Variants in EPHA4 observed in about 807,000 individuals in gnomAD.
EPHA4 encodes the protein EPH receptor A4, also known as ephrin type-A receptor 4.
Under a neutral mutation model 108.3 loss-of-function variants are expected in EPHA4, and 19 were observed. The observed-to-expected ratio is 0.18, with a 90% confidence interval of 0.12 to 0.26. The LOEUF is 0.26. Ranked by LOEUF, EPHA4 falls within the 10% of genes least tolerant of loss-of-function variation. The pLI, the probability that EPHA4 is intolerant of heterozygous loss-of-function variation, is 1.00. For synonymous variants in EPHA4, 449 were observed against 455.5 expected (o/e 0.99, Z 0.18); for missense variants, 917 against 1,254.0 (o/e 0.73, Z 4.06).
At chr2:221,484,090 C>T (rs1691908208) in intron 4 of EPHA4, among the ~76,000 whole-genome samples, 1 of 152,120 alleles carries the variant, frequency 6.6e-6, no homozygotes, top group Non-Finnish European at 1.5e-5. Context: ...GGCTACTTTG[C>T]AGGAAATTAG....
At chr2:221,570,322 C>T (rs1033037849) in intron 1 of EPHA4, among the ~76,000 whole-genome samples, 6 of 150,902 alleles carry the variant, frequency 4.0e-5, no homozygotes, top group Non-Finnish European at 8.9e-5. Flanking sequence ...TTCTCCCCCC[C>T]CCCCAAAAAA....
intron 4 of EPHA4, among the ~76,000 whole-genome samples, chr2:221,492,141 A>G (rs1692164205): frequency 6.6e-6 from 1 of 152,228 alleles, no homozygotes; most frequent in Admixed American, 6.5e-5. Context: ...TGGCATCCAG[A>G]AATGACAGGA....
intron 3 of EPHA4, among the ~76,000 whole-genome samples, chr2:221,537,943 C>G (rs555939018): frequency 3.9e-4 from 60 of 152,300 alleles, no homozygotes; most frequent in African/African-American, 1.4e-3. Context: ...TTACAGTTAT[C>G]CAGACTATCT....
intron 8 of EPHA4, among the ~76,000 whole-genome samples, chr2:221,449,874 G>A (rs1172659445): frequency 8.5e-5 from 13 of 152,306 alleles, no homozygotes; most frequent in African/African-American, 2.2e-4. Flanking sequence ...ATAAAGCAAC[G>A]TAACTAGCAT....
At chr2:221,513,368 T>C (rs1188156233) in intron 3 of EPHA4, among the ~76,000 whole-genome samples, 1 of 152,232 alleles carries the variant, frequency 6.6e-6, no homozygotes, top group Non-Finnish European at 1.5e-5. Context: ...TAAATAATTA[T>C]TTGATTAACT....
intron 5 of EPHA4, among the ~76,000 whole-genome samples, chr2:221,473,552 G>GAAAAAAAAAAAA (rs772366510): frequency 9.1e-6 from 1 of 109,688 alleles, no homozygotes; most frequent in Non-Finnish European, 1.8e-5. Flanking sequence ...GTGTTTAAAG[G>GAAAAAAAAAAAA]AAAAAAAAAA....
At position 221,501,136 on chromosome 2, in the gene EPHA4, T is replaced by A. The variant is rs1230632265; in HGVS notation, c.860A>T (p.Asp287Val). 2 of 1,612,460 alleles carry A rather than the reference T, an allele frequency of 1.2e-6. No individual in the cohort carries two copies. Among genetic ancestry groups the A allele is most frequent in the Non-Finnish European group, 1.7e-6 (2 of 1,179,330 alleles). Residue 287 changes from aspartate to valine, a missense_variant, in exon 4 of 18, where the codon GAT (aspartate) becomes GTT (valine). Around this residue, in one of 3 missense-constraint regions of EPHA4, gnomAD observed 758 missense variants for 1,076.7 expected, o/e 0.70. Coordinates refer to ENST00000281821, the MANE Select transcript of EPHA4 (RefSeq NM_004438.5). ...GGGTGGGCACTTGGCACAGGTGGCATCCGTGGAGAGAGCCTTGTAATATCC... is the reference window on the plus strand; with the variant it reads ...GGGTGGGCACTTGGCACAGGTGGCAACCGTGGAGAGAGCCTTGTAATATCC... ...KIGYYKALSTDATCAKCPPHS... is the reference protein window; with the variant it reads ...KIGYYKALSTVATCAKCPPHS...
chr2:221,522,993 C>T (rs1339943183), intron 3 of EPHA4, among the ~76,000 whole-genome samples: 1 of 152,088 alleles, frequency 6.6e-6, no homozygotes, highest in Non-Finnish European at 1.5e-5. Context: ...GAATTCCTGA[C>T]CTCAGGTGAT....
intron 3 of EPHA4, among the ~76,000 whole-genome samples, chr2:221,542,573 T>C (rs1034245675): frequency 1.3e-5 from 2 of 152,186 alleles, no homozygotes; most frequent in African/African-American, 4.8e-5. Context: ...AGGCATTCTG[T>C]AAAATTGTAA....
At chr2:221,526,518 C>T (rs1693326791) in intron 3 of EPHA4, among the ~76,000 whole-genome samples, 1 of 146,514 alleles carries the variant, frequency 6.8e-6, no homozygotes, top group Non-Finnish European at 1.5e-5. Flanking sequence ...CTCCTGTGTG[C>T]TCAGGAAACA....
intron 8 of EPHA4, among the ~76,000 whole-genome samples, chr2:221,449,736 A>G (rs1690712564): frequency 6.6e-6 from 1 of 152,254 alleles, no homozygotes; most frequent in Non-Finnish European, 1.5e-5. Flanking sequence ...GGGGCCCAGC[A>G]TAAACCATGC....
At chr2:221,562,693 A>G (rs1023464366) in intron 3 of EPHA4, among the ~76,000 whole-genome samples, 1 of 152,234 alleles carries the variant, frequency 6.6e-6, no homozygotes, top group Non-Finnish European at 1.5e-5. Context: ...ACTGTTGATA[A>G]CTACATTATA....
intron 3 of EPHA4, among the ~76,000 whole-genome samples, chr2:221,506,441 G>A (rs1692632737): frequency 6.6e-6 from 1 of 152,204 alleles, no homozygotes; most frequent in African/African-American, 2.4e-5. Flanking sequence ...ATTCCCCACA[G>A]TACAGATGGA....
intron 4 of EPHA4, among the ~76,000 whole-genome samples, chr2:221,484,211 A>C (rs777537417): frequency 6.6e-6 from 1 of 152,250 alleles, no homozygotes; most frequent in Non-Finnish European, 1.5e-5. Flanking sequence ...TCGAGATAGA[A>C]TTGGAAGAGG....
intron 5 of EPHA4, among the ~76,000 whole-genome samples, chr2:221,480,240 G>C (rs1303268336): frequency 6.6e-6 from 1 of 152,042 alleles, no homozygotes; most frequent in African/African-American, 2.4e-5. Context: ...TGTCCTCAGC[G>C]CATCTCCCAC....
intron 4 of EPHA4, among the ~76,000 whole-genome samples, chr2:221,485,455 T>C (rs901419755): frequency 5.9e-5 from 9 of 152,220 alleles, no homozygotes; most frequent in Admixed American, 3.3e-4. Context: ...TAAATCGTAC[T>C]GCGTATGTTT....
chr2:221,529,068 A>G (rs1210550654), intron 3 of EPHA4, among the ~76,000 whole-genome samples: 1 of 152,212 alleles, frequency 6.6e-6, no homozygotes, highest in Non-Finnish European at 1.5e-5. Context: ...AGTACATACA[A>G]TATAGTAATA....
At chr2:221,533,782 G>T (rs984629674) in intron 3 of EPHA4, among the ~76,000 whole-genome samples, 8 of 108,982 alleles carry the variant, frequency 7.3e-5, no homozygotes, top group Non-Finnish European at 1.3e-4. Flanking sequence ...AGATTATAAA[G>T]ATCAGAGAGA....
At chr2:221,483,748 C>T (rs2106142705) in intron 4 of EPHA4, among the ~76,000 whole-genome samples, 1 of 152,188 alleles carries the variant, frequency 6.6e-6, no homozygotes, top group East Asian at 1.9e-4. Flanking sequence ...GATCGGCCTA[C>T]CTTGGCCTCC....
Sources: allele counts gnomAD v4.1 joint callset (sites outside exome capture counted in the v4.1 genomes callset), GRCh38; gene constraint gnomAD v4.1.1; regional missense constraint gnomAD v4.1.1; transcripts MANE v1.5; gene names NCBI Gene and HGNC (gene_info 2026-07-23, HGNC 2026-07-21).